The following CDKL5 variants were observed in gnomAD, a reference collection of about 807,000 sequenced individuals.
CDKL5 encodes cyclin-dependent kinase-like 5.
CDKL5 carries 8 observed loss-of-function variants against 61.7 expected under a neutral mutation model. The observed-to-expected ratio is 0.13, with a 90% CI of 0.08 to 0.23. CDKL5 has a LOEUF of 0.23. Ranked by LOEUF, CDKL5 falls within the 10% of genes least tolerant of loss-of-function variation. CDKL5 has a pLI of 1.00. For missense variants in CDKL5, 440 were observed against 734.5 expected (o/e 0.60, Z 4.63); for synonymous variants, 275 against 272.3 (o/e 1.01, Z -0.10).
intron 3 of CDKL5, among the ~76,000 whole-genome samples, chrX:18,553,359 G>C (rs1924465221): frequency 9.0e-6 from 1 of 111,636 alleles, no homozygotes; most frequent in African/African-American, 3.3e-5. Context: ...ATCCAGCGCA[G>C]AGATGGTAGA....
intron 3 of CDKL5, among the ~76,000 whole-genome samples, chrX:18,539,217 A>G (rs1404578344): frequency 9.0e-6 from 1 of 110,759 alleles, no homozygotes; most frequent in Non-Finnish European, 1.9e-5. Flanking sequence ...AATTTCATTT[A>G]TTTCTGCTTT....
At chrX:18,445,622 T>C (rs772900856) in intron 1 of CDKL5, among the ~76,000 whole-genome samples, 46 of 111,030 alleles carry the variant, frequency 4.1e-4, no homozygotes, top group Non-Finnish European at 7.4e-4. Flanking sequence ...GACTGGATCA[T>C]GGGGGCGGTT....
At chrX:18,496,256 A>G (rs1214051028) in intron 1 of CDKL5, among the ~76,000 whole-genome samples, 1 of 112,135 alleles carries the variant, frequency 8.9e-6, no homozygotes, top group African/African-American at 3.2e-5. Flanking sequence ...ATCATCAGTC[A>G]GTACTTGGAG....
At chrX:18,537,858 T>C (rs1569204880) in intron 3 of CDKL5, among the ~76,000 whole-genome samples, 1 of 112,444 alleles carries the variant, frequency 8.9e-6, no homozygotes, top group African/African-American at 3.2e-5. Flanking sequence ...TTTATTGCTC[T>C]TTTTTAGTAT....
At chrX:18,620,331 T>TA (rs1926853531) in intron 16 of CDKL5, among the ~76,000 whole-genome samples, 1 of 112,589 alleles carries the variant, frequency 8.9e-6, no homozygotes, top group Non-Finnish European at 1.9e-5. Context: ...GGTTTTGGTT[T>TA]ACTTTTAAAT....
chrX:18,428,819 C>G (rs1420319614), intron 1 of CDKL5, among the ~76,000 whole-genome samples: 1 of 108,630 alleles, frequency 9.2e-6, no homozygotes, highest in African/African-American at 3.4e-5. Flanking sequence ...ATCATCTGAT[C>G]ATGGCATCAG....
intron 21 of CDKL5, among the ~76,000 whole-genome samples, chrX:18,651,840 ACTT>A (rs756652837): frequency 6.8e-4 from 75 of 110,727 alleles, no homozygotes; most frequent in Non-Finnish European, 1.2e-3. Context: ...ATTTTTCCTG[ACTT>A]CTTCTTCCCC....
chrX:18,480,857 C>CT lies in CDKL5; in HGVS notation c.-162-26061dup, dbSNP rs200858035. Among the ~76,000 whole-genome samples the CT allele has an allele frequency of 6.6e-3, 639 of 96,546 alleles. 6 individuals are homozygous for CT. Among genetic ancestry groups the CT allele is most frequent in the Admixed American group, 0.012 (108 of 8,766 alleles). 83.8% of individuals were successfully genotyped at this position (96,546 alleles called of 115,157 possible). A position where few individuals can be genotyped will look rare whatever the true frequency, so the allele number is the denominator to read the frequency against. On this transcript the variant is annotated intron_variant, in intron 1 of 17. Coordinates refer to ENST00000623535, the MANE Select transcript of CDKL5 (RefSeq NM_001323289.2). ...TTCTTCCTCTTCCTCTTCTTTCTTC[C>CT]TTTTTTTTTTTTTTTTTGGAGAGGA...
chrX:18,584,629 G>A (rs1013658348), intron 8 of CDKL5, among the ~76,000 whole-genome samples: 3 of 111,460 alleles, frequency 2.7e-5, no homozygotes, highest in African/African-American at 9.8e-5. Context: ...TAGTCAGCTG[G>A]TAGGTCTTCT....
chrX:18,569,033 A>G (rs1245881816), intron 4 of CDKL5, among the ~76,000 whole-genome samples: 1 of 111,704 alleles, frequency 9.0e-6, no homozygotes, highest in Non-Finnish European at 1.9e-5. Context: ...AGCAGATACA[A>G]TTCTATCAGA....
intron 1 of CDKL5, among the ~76,000 whole-genome samples, chrX:18,452,836 T>G (rs867010266): frequency 4.8e-5 from 4 of 83,739 alleles, no homozygotes; most frequent in Middle Eastern, 4.8e-3. Flanking sequence ...TTTTTTTTTT[T>G]TTTTTTTTTT....
chrX:18,592,877 A>G (rs1925874027), intron 9 of CDKL5, among the ~76,000 whole-genome samples: 1 of 112,057 alleles, frequency 8.9e-6, no homozygotes, highest in African/African-American at 3.2e-5. Context: ...AGATGTTGCT[A>G]TAGTGGTTTG....
intron 5 of CDKL5, among the ~76,000 whole-genome samples, chrX:18,576,931 G>A (rs1333263054): frequency 9.2e-6 from 1 of 109,156 alleles, no homozygotes; most frequent in African/African-American, 3.3e-5. Context: ...TGTTGCCTAG[G>A]CTGGAGTGTA....
intron 4 of CDKL5, among the ~76,000 whole-genome samples, chrX:18,564,963 T>C (rs1924920061): frequency 8.9e-6 from 1 of 111,735 alleles, no homozygotes; most frequent in African/African-American, 3.3e-5. Context: ...TAGTCAGAGT[T>C]AGAAATACAA....
At chrX:18,559,199 TTTTTG>T (rs1164916695) in intron 3 of CDKL5, among the ~76,000 whole-genome samples, 8 of 111,606 alleles carry the variant, frequency 7.2e-5, no homozygotes, top group Non-Finnish European at 1.1e-4. Context: ...AGGATGAGGT[TTTTTG>T]TTTTGTTTTG....
chrX:18,628,472 A>G lies in CDKL5; in HGVS notation c.2598A>G (p.Gln866=). The G allele has an allele frequency of 1.7e-6, 2 of 1,211,785 alleles. No homozygotes were observed. The highest frequency in any genetic ancestry group is 2.2e-6 in the Non-Finnish European group (2 of 895,478). ...DPRFQPLTAQ[Q]TKNSFSEIRI... ...GCTTCCAGCCCTTAACAGCTCAACA[A>G]ACCAAAAATTCCTTCTCAGAAATTC... The change falls in exon 18 of 18, where the codon CAA becomes CAG. Residue 866 remains glutamine (Q), a synonymous_variant. Transcript: ENST00000623535.
At position 18,603,980 on chromosome X, in the gene CDKL5, C is replaced by T; in HGVS notation, c.1056C>T (p.Gly352=). The T allele has an allele frequency of 8.3e-7, 1 of 1,210,561 alleles. No homozygotes were observed. The highest frequency in any genetic ancestry group is 1.1e-6 in the Non-Finnish European group (1 of 894,694). The change falls in exon 12 of 18, where the codon GGC becomes GGT. Residue 352 remains glycine (G), a synonymous_variant. Transcript: ENST00000623535. ...NSKDIQNLSV[G]LPRADEGLPA... ...AGGACATCCAGAACCTGAGTGTAGGCCTGCCCCGGGCTGACGAAGGTCTCC... is the reference window on the plus strand; with the variant it reads ...AGGACATCCAGAACCTGAGTGTAGGTCTGCCCCGGGCTGACGAAGGTCTCC...
At chrX:18,442,505 T>C (rs1931770362) in intron 1 of CDKL5, 1 of 110,178 alleles carries the variant, frequency 9.1e-6, no homozygotes, top group African/African-American at 3.4e-5. Context: ...TTGTTTTGTT[T>C]TGTTTTGAGG....
downstream of CDKL5, among the ~76,000 whole-genome samples, chrX:18,643,594 A>G (rs1048605762): frequency 8.9e-6 from 1 of 111,996 alleles, no homozygotes; most frequent in Non-Finnish European, 1.9e-5. Context: ...TTAAATGTCC[A>G]AGTATCAAGA....
Sources: gnomAD v4.1 joint callset for allele counts (sites outside exome capture counted in the v4.1 genomes callset) on GRCh38, gnomAD v4.1.1 for gene constraint, MANE v1.5 for transcripts, NCBI Gene and HGNC (gene_info 2026-07-23, HGNC 2026-07-21) for gene names.